Variants in SVOPL observed in about 807,000 individuals in gnomAD.
SVOPL encodes putative transporter SVOPL.
SVOPL carries 60 observed loss-of-function variants against 61.0 expected under a neutral mutation model. The ratio of observed to expected loss-of-function variants is 0.98; its 90% CI spans 0.80 to 1.22. The LOEUF (loss-of-function observed/expected upper bound fraction) is 1.22, where lower values mean the gene tolerates loss of function less well. SVOPL is among the 50% of genes most tolerant of loss of function. The probability of loss-of-function intolerance (pLI) is 0.00; values close to 1 mark genes in which losing one functional copy is unlikely to be tolerated. For synonymous variants in SVOPL, 279 were observed against 250.0 expected, an observed-to-expected ratio of 1.12 and a Z score of -1.09; for missense variants, 662 against 643.9, an observed-to-expected ratio of 1.03 and a Z score of -0.30.
chr7:138,701,164 C>G lies in SVOPL; in HGVS notation c.-35+14G>C, dbSNP rs1025598640. The G allele has an allele frequency of 1.3e-5, 2 of 152,166 alleles. No individual in the cohort carries two copies. Among genetic ancestry groups the G allele is most frequent in the African/African-American group, 2.4e-5 (1 of 41,420 alleles). The allele number at this position is 152,166 out of a possible 1,614,324, so 9.4% of individuals were successfully genotyped here. A position where few individuals can be genotyped will look rare whatever the true frequency, so the allele number is the denominator to read the frequency against. On this transcript the variant is annotated intron_variant, in intron 1 of 15. Transcript: ENST00000674285. Reference sequence around the variant, plus strand: ...AAAATAAGTCCAGATCAATGTTGCCCACAAATTTCTCACCTCTGTATATTC... The same window carrying G: ...AAAATAAGTCCAGATCAATGTTGCCGACAAATTTCTCACCTCTGTATATTC...
chr7:138,694,888 G>A (rs572216909), intron 1 of SVOPL, among the ~76,000 whole-genome samples: 6 of 151,860 alleles, frequency 4.0e-5, no homozygotes, highest in East Asian at 3.9e-4. Flanking sequence ...ACAGGCATGC[G>A]CCACCACACC....
chr7:138,606,840 G>A (rs887955750), intron 14 of SVOPL, among the ~76,000 whole-genome samples: 2 of 152,106 alleles, frequency 1.3e-5, no homozygotes, highest in African/African-American at 4.8e-5. Context: ...TGTTATCCCA[G>A]CTACTCAGGA....
chr7:138,678,100 T>G lies in SVOPL; in HGVS notation c.174+334A>C, dbSNP rs563662849. ...TATCTTAACTTGAACATCTCCTTTC[T>G]ATCAATCCCAGGTCTGTAGACAAAC... On this transcript the variant is annotated intron_variant, in intron 3 of 15. Transcript: ENST00000674285. 6.6e-5 allele frequency among the ~76,000 whole-genome samples: 10 copies of G among 152,278 alleles called. No homozygotes were observed. The South Asian group carries it at 2.1e-3, about 32-fold the overall frequency.
intron 14 of SVOPL, among the ~76,000 whole-genome samples, chr7:138,604,103 A>G (rs1014847864): frequency 6.6e-6 from 1 of 151,802 alleles, no homozygotes; most frequent in Non-Finnish European, 1.5e-5. Context: ...AGCTGGGACT[A>G]CAGACATATG....
Position 138,594,446 on chromosome 7 carries a change from A to C in SVOPL, c.*164T>G. 2.1e-6 allele frequency: 1 copy of C among 469,306 alleles called. No homozygotes were observed. The highest frequency in any genetic ancestry group is 3.8e-6 in the Non-Finnish European group (1 of 266,552). The allele number at this position is 469,306 out of a possible 1,614,324, so 29.1% of individuals were successfully genotyped here. A position where few individuals can be genotyped will look rare whatever the true frequency, so the allele number is the denominator to read the frequency against. On this transcript the variant is annotated 3_prime_UTR_variant, in exon 16 of 16. Coordinates refer to ENST00000674285, the MANE Select transcript of SVOPL (RefSeq NM_001139456.2). ...ATATTGTTCCTCAAGGAAGAGATCA[A>C]TATACAGTTACCTACCCCATTCCCA... is the stretch of plus-strand genomic sequence containing the variant.
At chr7:138,677,586 TA>T (rs1352249448) in intron 3 of SVOPL, among the ~76,000 whole-genome samples, 1 of 152,184 alleles carries the variant, frequency 6.6e-6, no homozygotes. Context: ...GAATCTCTAT[TA>T]ACAGAGCTAG....
chr7:138,649,539 C>T (rs558735261), intron 7 of SVOPL, among the ~76,000 whole-genome samples: 6 of 152,246 alleles, frequency 3.9e-5, no homozygotes, highest in African/African-American at 1.4e-4. Context: ...TCAAATGATC[C>T]ACCCACGTTA....
At chr7:138,684,960 T>C (rs1802773095) in intron 1 of SVOPL, among the ~76,000 whole-genome samples, 2 of 151,088 alleles carry the variant, frequency 1.3e-5, no homozygotes, top group South Asian at 4.2e-4. Context: ...GAGACAGAGT[T>C]TCATTCTTGT....
intron 3 of SVOPL, among the ~76,000 whole-genome samples, chr7:138,676,361 G>A (rs1802559702): frequency 6.6e-6 from 1 of 152,194 alleles, no homozygotes; most frequent in Non-Finnish European, 1.5e-5. Context: ...TCACAGTTCT[G>A]CAGGTCGGGA....
intron 5 of SVOPL, chr7:138,661,389 A>T (rs754938592): frequency 4.1e-6 from 4 of 985,410 alleles, no homozygotes; most frequent in Non-Finnish European, 4.8e-6. Context: ...ACATCCATCA[A>T]CTTGAGAGAG....
chr7:138,640,859 T>C (rs1029888523), intron 9 of SVOPL, among the ~76,000 whole-genome samples: 2 of 152,060 alleles, frequency 1.3e-5, no homozygotes, highest in African/African-American at 4.8e-5. Context: ...AACCTCAGCA[T>C]CATGCAATAG....
intron 9 of SVOPL, among the ~76,000 whole-genome samples, chr7:138,635,270 CAAA>C (rs112228411): frequency 3.6e-5 from 5 of 138,302 alleles, no homozygotes; most frequent in Admixed American, 7.1e-5. Context: ...AAAACTGTCT[CAAA>C]AAAAAAAAAA....
At chr7:138,660,948 C>T in intron 5 of SVOPL, 1 of 983,462 alleles carries the variant, frequency 1.0e-6, no homozygotes, top group Non-Finnish European at 1.2e-6. Context: ...AAAATTATAT[C>T]TTGCTATGTA....
At chr7:138,650,128 C>G (rs1228983606) in intron 7 of SVOPL, among the ~76,000 whole-genome samples, 1 of 152,168 alleles carries the variant, frequency 6.6e-6, no homozygotes, top group Non-Finnish European at 1.5e-5. Context: ...CTGCATCCAG[C>G]AAAATTCTTA....
In SVOPL at chr7:138,651,137, G is replaced by T. The variant is rs79167264; in HGVS notation, c.535-2000C>A. Among the ~76,000 whole-genome samples the T allele has an allele frequency of 5.3e-5, 8 of 152,186 alleles. No homozygotes were observed. In the East Asian group the frequency reaches 1.6e-3, roughly 30 times the overall value. On this transcript the variant is annotated intron_variant, in intron 7 of 15. Transcript: ENST00000674285. ...CTTGGAACCACCAGGATCGTTGGAA[G>T]GGAGGTAGGACAGCCTAAAGGGGTA...
intron 14 of SVOPL, among the ~76,000 whole-genome samples, chr7:138,611,861 G>GCC (rs1563087747): frequency 4.0e-5 from 3 of 75,924 alleles, no homozygotes; most frequent in Non-Finnish European, 2.7e-5. Flanking sequence ...CGAGATTGCA[G>GCC]CCTCTGCCCG....
chr7:138,595,404 CTTGT>C (rs941356714), intron 15 of SVOPL, among the ~76,000 whole-genome samples: 1 of 152,134 alleles, frequency 6.6e-6, no homozygotes, highest in African/African-American at 2.4e-5. Flanking sequence ...ATTGAACCTA[CTTGT>C]TTGTTTAAAA....
intron 4 of SVOPL, 144 bp from the exon 5 acceptor site, chr7:138,663,289 C>T: frequency 6.7e-7 from 1 of 1,482,030 alleles, no homozygotes. Context: ...GTTGGTCTTG[C>T]TTGCCCCTGA....
intron 1 of SVOPL, among the ~76,000 whole-genome samples, chr7:138,679,384 C>T (rs193000954): frequency 6.6e-6 from 1 of 152,236 alleles, no homozygotes; most frequent in African/African-American, 2.4e-5. Flanking sequence ...ATTCTCGTGC[C>T]TCAGCCTCTT....
Sources: allele counts gnomAD v4.1 joint callset (sites outside exome capture counted in the v4.1 genomes callset), GRCh38; gene constraint gnomAD v4.1.1; transcripts MANE v1.5; gene names NCBI Gene and HGNC (gene_info 2026-07-23, HGNC 2026-07-21).